The following CACNA2D3 variants were observed in gnomAD, a reference collection of about 807,000 sequenced individuals.
The protein encoded by CACNA2D3 is voltage-dependent calcium channel subunit alpha-2/delta-3.
CACNA2D3 carries 60 observed loss-of-function variants against 160.6 expected under a neutral mutation model. The observed-to-expected ratio is 0.37, with a 90% CI of 0.30 to 0.46. The LOEUF (loss-of-function observed/expected upper bound fraction) is 0.46. CACNA2D3 is among the 20% of genes least tolerant of loss of function. CACNA2D3 has a pLI of 1.00. For synonymous variants in CACNA2D3, 558 were observed against 492.9 expected (o/e 1.13, Z -1.75); for missense variants, 1,205 against 1,365.0 (o/e 0.88, Z 1.85).
At chr3:54,750,490 C>G (rs985253970) in intron 11 of CACNA2D3, among the ~76,000 whole-genome samples, 2 of 152,184 alleles carry the variant, frequency 1.3e-5, no homozygotes, top group African/African-American at 4.8e-5. Flanking sequence ...GGTGCTGGCT[C>G]TGGGCCTTGG....
chr3:54,855,289 T>G (rs530958173), intron 17 of CACNA2D3, among the ~76,000 whole-genome samples: 1 of 152,276 alleles, frequency 6.6e-6, no homozygotes, highest in South Asian at 2.1e-4. Flanking sequence ...CCTACTAGTC[T>G]CCGGGCTCCG....
At chr3:54,677,617 TTTTGG>T (rs2106908501) in intron 11 of CACNA2D3, among the ~76,000 whole-genome samples, 1 of 131,594 alleles carries the variant, frequency 7.6e-6, no homozygotes, top group Admixed American at 7.7e-5. Flanking sequence ...TTTGTTTTTT[TTTTGG>T]GGGGGGGGCA....
intron 2 of CACNA2D3, among the ~76,000 whole-genome samples, chr3:54,135,300 T>G (rs1157857725): frequency 1.3e-5 from 2 of 152,202 alleles, no homozygotes; most frequent in Admixed American, 6.5e-5. Context: ...CACAGAACGT[T>G]CCTTGGGTGA....
intron 12 of CACNA2D3, among the ~76,000 whole-genome samples, chr3:54,759,844 T>G (rs529947728): frequency 1.3e-5 from 2 of 152,326 alleles, no homozygotes; most frequent in South Asian, 4.1e-4. Context: ...GTGTCTTCAG[T>G]GGTTCAGAGC....
intron 4 of CACNA2D3, among the ~76,000 whole-genome samples, chr3:54,412,610 C>CTTT (rs774491527): frequency 1.7e-5 from 2 of 120,618 alleles, no homozygotes; most frequent in Non-Finnish European, 3.5e-5. Context: ...TGGTCTTGTT[C>CTTT]TTTTTTTTTT....
chr3:54,244,748 A>G (rs1702039686), intron 2 of CACNA2D3, among the ~76,000 whole-genome samples: 1 of 152,246 alleles, frequency 6.6e-6, no homozygotes, highest in Admixed American at 6.5e-5. Flanking sequence ...AGCAATTTGC[A>G]AGACTTTAGC....
chr3:54,829,885 CTTTTTTTTTTTTTTTTT>C lies in CACNA2D3; in HGVS notation c.1399-7263_1399-7247del, dbSNP rs58291013. Among the ~76,000 whole-genome samples, 77 of 64,358 alleles carry C rather than the reference CTTTTTTTTTTTTTTTTT, an allele frequency of 1.2e-3. 4 individuals carry two copies. The East Asian group carries it at 0.031, about 26-fold the overall frequency. 42.2% of individuals were successfully genotyped at this position (64,358 alleles called of 152,430 possible). ...CATATCTTTTCTTCTTCTTCTTCAT[CTTTTTTTTTTTTTTTTT>C]TTTTTTTTTTGAGATGGAGTTTTGC... On this transcript the variant is annotated intron_variant, in intron 14 of 37. Transcript: ENST00000474759.
At chr3:54,406,910 T>C (rs1483438498) in intron 4 of CACNA2D3, among the ~76,000 whole-genome samples, 1 of 152,104 alleles carries the variant, frequency 6.6e-6, no homozygotes, top group Non-Finnish European at 1.5e-5. Context: ...TGTATATATA[T>C]ATTATACTTT....
chr3:54,575,499 G>T (rs922895022), intron 8 of CACNA2D3, among the ~76,000 whole-genome samples: 3 of 151,632 alleles, frequency 2.0e-5, no homozygotes, highest in Non-Finnish European at 4.4e-5. Context: ...TTGTTCTATC[G>T]ATTCATTCAA....
intron 17 of CACNA2D3, among the ~76,000 whole-genome samples, chr3:54,861,978 A>G (rs1003242526): frequency 3.9e-5 from 6 of 152,198 alleles, no homozygotes; most frequent in African/African-American, 1.2e-4. Context: ...AAAAAGACAT[A>G]TCACTGTAAT....
At chr3:54,899,981 A>G (rs1434360733) in intron 27 of CACNA2D3, 113 bp downstream of exon 27, 15 of 714,398 alleles carry the variant, frequency 2.1e-5, no homozygotes, top group Non-Finnish European at 3.6e-5. Flanking sequence ...TCAAAGGAGA[A>G]AACAATTTTA....
chr3:54,126,985 G>A (rs1316282932), intron 2 of CACNA2D3, among the ~76,000 whole-genome samples: 1 of 152,142 alleles, frequency 6.6e-6, no homozygotes, highest in Non-Finnish European at 1.5e-5. Flanking sequence ...CATTCTAGTA[G>A]GTCCGGGAAC....
At chr3:54,324,330 C>G (rs978092367) in intron 3 of CACNA2D3, among the ~76,000 whole-genome samples, 2 of 152,166 alleles carry the variant, frequency 1.3e-5, no homozygotes, top group Admixed American at 1.3e-4. Context: ...ACAGAAAGTC[C>G]TATTTTCTCC....
At chr3:54,860,746 G>A (rs752992535) in intron 17 of CACNA2D3, among the ~76,000 whole-genome samples, 2 of 152,140 alleles carry the variant, frequency 1.3e-5, no homozygotes, top group Non-Finnish European at 2.9e-5. Context: ...ACTAGTGCCT[G>A]TTTCTCTATG....
At chr3:54,754,346 C>G (rs1402900731) in intron 12 of CACNA2D3, among the ~76,000 whole-genome samples, 3 of 152,218 alleles carry the variant, frequency 2.0e-5, no homozygotes, top group Non-Finnish European at 4.4e-5. Flanking sequence ...CCAAACCTAT[C>G]TGGGTAGATC....
chr3:55,024,212 G>A (rs905564065), intron 35 of CACNA2D3, among the ~76,000 whole-genome samples: 7 of 149,634 alleles, frequency 4.7e-5, no homozygotes, highest in Admixed American at 3.4e-4. Flanking sequence ...TTAACTCCAT[G>A]AAGTTCTGCT....
At chr3:54,997,042 G>C (rs1171041685) in intron 31 of CACNA2D3, among the ~76,000 whole-genome samples, 2 of 152,138 alleles carry the variant, frequency 1.3e-5, no homozygotes, top group Admixed American at 1.3e-4. Context: ...GACTAGGGGA[G>C]GGATAGCATT....
intron 35 of CACNA2D3, among the ~76,000 whole-genome samples, chr3:55,025,364 G>T (rs528773779): frequency 6.6e-6 from 1 of 152,174 alleles, no homozygotes; most frequent in South Asian, 2.1e-4. Flanking sequence ...GGGCGCGGTG[G>T]CTCACATCTG....
At chr3:54,601,255 G>A (rs1703054572) in intron 9 of CACNA2D3, among the ~76,000 whole-genome samples, 2 of 152,168 alleles carry the variant, frequency 1.3e-5, no homozygotes. Flanking sequence ...TCAGGCTGGA[G>A]TGCAGTGGCA....
Sources: allele counts gnomAD v4.1 joint callset (sites outside exome capture counted in the v4.1 genomes callset), GRCh38; gene constraint gnomAD v4.1.1; transcripts MANE v1.5; gene names NCBI Gene and HGNC (gene_info 2026-07-23, HGNC 2026-07-21).